The following CSMD1 variants were observed in gnomAD, a reference collection of about 807,000 sequenced individuals.
CSMD1 encodes the protein CUB and sushi domain-containing protein 1.
In CSMD1, 213 loss-of-function variants were observed where a neutral mutation model predicts 417.5. The observed-to-expected ratio is 0.51, with a 90% CI of 0.46 to 0.57. The LOEUF is 0.57. Among genes scored for constraint, CSMD1 ranks in the 20% least tolerant of loss-of-function variants. CSMD1 has a pLI of 0.00. For synonymous variants in CSMD1, 2,862 were observed against 1,736.8 expected, an observed-to-expected ratio of 1.65 and a Z score of -16.11; for missense variants, 6,923 against 4,529.7, an observed-to-expected ratio of 1.53 and a Z score of -15.17.
intron 9 of CSMD1, among the ~76,000 whole-genome samples, chr8:3,585,297 A>G (rs1420999616): frequency 3.9e-5 from 6 of 152,226 alleles, no homozygotes; most frequent in East Asian, 1.9e-4. Flanking sequence ...TTTAAAATGT[A>G]TAAGTCCATT....
At chr8:3,374,629 G>A (rs965427614) in intron 18 of CSMD1, among the ~76,000 whole-genome samples, 2 of 152,198 alleles carry the variant, frequency 1.3e-5, no homozygotes, top group African/African-American at 4.8e-5. Flanking sequence ...CCAGGATGGT[G>A]AGTATGGAGT....
intron 2 of CSMD1, among the ~76,000 whole-genome samples, chr8:4,586,582 C>T (rs575225064): frequency 3.3e-5 from 5 of 151,982 alleles, no homozygotes; most frequent in Non-Finnish European, 5.9e-5. Context: ...TTTTTTGATG[C>T]TTTATTTTCT....
chr8:3,388,419 T>C (rs920085073), intron 17 of CSMD1, among the ~76,000 whole-genome samples: 1 of 152,222 alleles, frequency 6.6e-6, no homozygotes, highest in African/African-American at 2.4e-5. Flanking sequence ...GGGAAAAGAA[T>C]ATCATTGTAA....
chr8:4,409,113 T>C (rs1446747858), intron 3 of CSMD1, among the ~76,000 whole-genome samples: 1 of 152,200 alleles, frequency 6.6e-6, no homozygotes, highest in Non-Finnish European at 1.5e-5. Context: ...AGCATCTGCA[T>C]ATGGCTATAA....
rs868103203 is a variant in CSMD1 at position 4,878,630 on chromosome 8, C to G, written c.85+115702G>C. ...TAGTAGAGGTGCTGGAAATTATGCT[C>G]TCTCAAAATTTCAAAGGAAATTTCA... is the stretch of plus-strand genomic sequence containing the variant. On this transcript the variant is annotated intron_variant, in intron 1 of 69. Transcript: ENST00000635120. 3.8e-4 allele frequency among the ~76,000 whole-genome samples: 58 copies of G among 152,024 alleles called. 1 individual carries two copies. The highest frequency in any genetic ancestry group is 3.4e-3 in the Middle Eastern group (1 of 294).
intron 5 of CSMD1, among the ~76,000 whole-genome samples, chr8:3,967,013 G>A (rs1189960281): frequency 1.3e-5 from 2 of 152,110 alleles, no homozygotes; most frequent in South Asian, 2.1e-4. Context: ...GTCAATTGGT[G>A]AAATAATCTC....
intron 2 of CSMD1, among the ~76,000 whole-genome samples, chr8:4,548,739 G>T (rs1053720156): frequency 1.3e-5 from 2 of 151,974 alleles, no homozygotes; most frequent in Non-Finnish European, 2.9e-5. Flanking sequence ...GGTAATTACA[G>T]AACCGCTTTG....
intron 1 of CSMD1, among the ~76,000 whole-genome samples, chr8:4,696,754 T>A (rs1263935355): frequency 2.0e-5 from 3 of 152,190 alleles, no homozygotes; most frequent in Non-Finnish European, 2.9e-5. Context: ...GCACCCAACA[T>A]GGGTGTCCAA....
chr8:3,890,572 TA>T (rs1000520553), intron 5 of CSMD1, among the ~76,000 whole-genome samples: 3 of 152,010 alleles, frequency 2.0e-5, no homozygotes, highest in Non-Finnish European at 4.4e-5. Flanking sequence ...AGGTAACACA[TA>T]AGGTTTTTAT....
intron 3 of CSMD1, among the ~76,000 whole-genome samples, chr8:4,306,510 T>A (rs1265418915): frequency 2.6e-5 from 4 of 152,150 alleles, no homozygotes; most frequent in Non-Finnish European, 5.9e-5. Flanking sequence ...CTAGAACCAC[T>A]GATATCCACT....
At chr8:4,302,493 C>T (rs572033433) in intron 3 of CSMD1, among the ~76,000 whole-genome samples, 1 of 152,278 alleles carries the variant, frequency 6.6e-6, no homozygotes, top group East Asian at 1.9e-4. Context: ...ATGTAAGCTA[C>T]TTGACCACAG....
chr8:3,892,030 A>T lies in CSMD1; in HGVS notation c.818+105873T>A, dbSNP rs112846376. ...ACCAACATGATAGTCGCAAACAAAA[A>T]AAAAAAAAATTAAGGAAAGTCACAT... On this transcript the variant is annotated intron_variant, in intron 5 of 69. Transcript: ENST00000635120. 2.4e-3 allele frequency among the ~76,000 whole-genome samples: 361 copies of T among 152,026 alleles called. 2 individuals are homozygous for T. The highest frequency in any genetic ancestry group is 3.4e-3 in the Non-Finnish European group (232 of 68,000).
rs545326442 is a variant in CSMD1, at chr8:3,296,307, A to G, written c.3950+11388T>C. On this transcript the variant is annotated intron_variant, in intron 25 of 69. Transcript: ENST00000635120. ...CAAGCAGAAGCCCCACGTAAGGGGC[A>G]TACCGTCCGCATTTGAGGACAGCCA... 3.3e-5 allele frequency among the ~76,000 whole-genome samples: 5 copies of G among 151,930 alleles called. No individual in the cohort carries two copies. In the East Asian group the frequency reaches 9.8e-4, roughly 30 times the overall value.
intron 11 of CSMD1, among the ~76,000 whole-genome samples, chr8:3,469,687 C>T (rs1450337145): frequency 2.0e-5 from 3 of 152,210 alleles, no homozygotes; most frequent in Admixed American, 6.5e-5. Context: ...GGAATATGAG[C>T]ATATGATTTG....
At chr8:4,165,707 T>C (rs1797418496) in intron 3 of CSMD1, among the ~76,000 whole-genome samples, 1 of 152,134 alleles carries the variant, frequency 6.6e-6, no homozygotes, top group Non-Finnish European at 1.5e-5. Flanking sequence ...CCGGCCCAAG[T>C]ATCATTTTTA....
At chr8:3,461,742 C>T (rs1816518505) in intron 12 of CSMD1, among the ~76,000 whole-genome samples, 1 of 152,188 alleles carries the variant, frequency 6.6e-6, no homozygotes, top group South Asian at 2.1e-4. Flanking sequence ...GGCCATTGTC[C>T]CCAATGAGAC....
At chr8:3,465,914 G>A (rs28619328) in intron 12 of CSMD1, among the ~76,000 whole-genome samples, 105 of 152,104 alleles carry the variant, frequency 6.9e-4, no homozygotes, top group Non-Finnish European at 1.3e-3. Context: ...AGAAAATGTC[G>A]AGAGCTGTTG....
chr8:4,624,300 A>G (rs1299424537), intron 2 of CSMD1, among the ~76,000 whole-genome samples: 1 of 152,094 alleles, frequency 6.6e-6, no homozygotes, highest in Non-Finnish European at 1.5e-5. Context: ...AGGGTTAGCT[A>G]GTCTATTGCA....
At chr8:3,235,964 C>G (rs1043387415) in intron 26 of CSMD1, among the ~76,000 whole-genome samples, 3 of 133,120 alleles carry the variant, frequency 2.3e-5, no homozygotes, top group Admixed American at 1.8e-4. Context: ...GTCGCCCAGG[C>G]TGGAGTGCAG....
Sources: allele counts gnomAD v4.1 joint callset (sites outside exome capture counted in the v4.1 genomes callset), GRCh38; gene constraint gnomAD v4.1.1; transcripts MANE v1.5; gene names NCBI Gene and HGNC (gene_info 2026-07-23, HGNC 2026-07-21).